ATP6V0D1: variants seen among roughly 807,000 people sequenced by gnomAD.
The protein encoded by ATP6V0D1 is ATPase H+ transporting V0 subunit d1.
ATP6V0D1 carries 13 observed loss-of-function variants against 39.0 expected under a neutral mutation model. The observed-to-expected ratio is 0.33, with a 90% CI of 0.22 to 0.53. The LOEUF (loss-of-function observed/expected upper bound fraction) is 0.53. ATP6V0D1 is among the 20% of genes least tolerant of loss of function. The pLI, the probability that ATP6V0D1 is intolerant of heterozygous loss-of-function variation, is 0.94. For missense variants in ATP6V0D1, 272 were observed against 470.9 expected, an observed-to-expected ratio of 0.58 and a Z score of 3.91; for synonymous variants, 191 against 191.2, an observed-to-expected ratio of 1.00 and a Z score of 0.01.
rs1187622298 is a variant in ATP6V0D1, at chr16:67,443,198, T to C, written c.482-20A>G. On this transcript the variant is annotated intron_variant, in intron 3 of 7. Coordinates refer to ENST00000290949, the MANE Select transcript of ATP6V0D1 (RefSeq NM_004691.5). ...AAGCCGCTGGGGAGGAAACATGGTT[T>C]GAGGGGTGGGCAGGTGGCCTAGGCC... 1 of 1,613,286 alleles carries C rather than the reference T, an allele frequency of 6.2e-7. No homozygotes were observed. The highest frequency in any genetic ancestry group is 1.1e-5 in the South Asian group (1 of 91,054).
intron 1 of ATP6V0D1, among the ~76,000 whole-genome samples, chr16:67,474,638 T>A (rs956990572): frequency 6.6e-6 from 1 of 152,250 alleles, no homozygotes; most frequent in African/African-American, 2.4e-5. Flanking sequence ...TGTGATCAAC[T>A]GAAGTGCTTC....
chr16:67,452,526 G>C lies in ATP6V0D1; in HGVS notation c.302+1018C>G. On this transcript the variant is annotated intron_variant, in intron 2 of 7. Transcript: ENST00000290949. The stretch of plus-strand genomic sequence containing the variant: ...CCAGGTCCCAAGGAAAAGAGTGGGG[G>C]CACCATAATCAAGGAATGGTAAAAG... The C allele has an allele frequency of 8.4e-6, 7 of 830,564 alleles. No homozygotes were observed. In the South Asian group the frequency reaches 1.0e-4, roughly 12 times the overall value. 51.4% of individuals were successfully genotyped at this position (830,564 alleles called of 1,614,324 possible).
chr16:67,455,449 G>T (rs567854508), intron 1 of ATP6V0D1: 8 of 152,280 alleles, frequency 5.3e-5, no homozygotes, highest in Admixed American at 5.2e-4. Flanking sequence ...TGCATCTCTG[G>T]GGGGCTGGTA....
intron 1 of ATP6V0D1, among the ~76,000 whole-genome samples, chr16:67,457,802 G>A (rs1225680377): frequency 1.3e-5 from 2 of 152,228 alleles, no homozygotes; most frequent in African/African-American, 2.4e-5. Flanking sequence ...CACTGCATCT[G>A]GGGAAGCCAC....
intron 2 of ATP6V0D1, chr16:67,452,273 G>C: frequency 6.5e-7 from 1 of 1,535,674 alleles, no homozygotes; most frequent in South Asian, 1.2e-5. Context: ...AGACTCTCAG[G>C]AAAGGAGGCC....
At chr16:67,454,375 G>A (rs1009084355) in intron 1 of ATP6V0D1, among the ~76,000 whole-genome samples, 6 of 152,184 alleles carry the variant, frequency 3.9e-5, no homozygotes, top group Admixed American at 2.0e-4. Flanking sequence ...TCCCTTCAGA[G>A]TGGCCGGAGA....
intron 2 of ATP6V0D1, among the ~76,000 whole-genome samples, chr16:67,448,639 G>A (rs1327402507): frequency 4.2e-5 from 6 of 141,494 alleles, no homozygotes; most frequent in Admixed American, 1.4e-4. Context: ...TGGCCTGTGC[G>A]ACAGAGTGAG....
Position 67,473,219 on chromosome 16 carries a change from C to CT in ATP6V0D1, c.130+7737dup, listed in dbSNP as rs535713907. ...ACCTCTTGGCCTGGCTAATTTGGGG[C>CT]TGGGGGGGGTGGCGCAGCAACAGCT... On this transcript the variant is annotated intron_variant, in intron 1 of 7. Coordinates refer to ENST00000290949, the MANE Select transcript of ATP6V0D1 (RefSeq NM_004691.5). Among the ~76,000 whole-genome samples, 26 of 152,238 alleles carry CT rather than the reference C, an allele frequency of 1.7e-4. 1 individual carries two copies. In the East Asian group the frequency reaches 4.6e-3, roughly 27 times the overall value.
Position 67,481,106 on chromosome 16 carries a change from G to C in ATP6V0D1, c.-20C>G, listed in dbSNP as rs756272594. On this transcript the variant is annotated 5_prime_UTR_variant, in exon 1 of 8. Coordinates refer to ENST00000290949, the MANE Select transcript of ATP6V0D1 (RefSeq NM_004691.5). ...CGACATGGCTGCTGCGGGAGCGGCG[G>C]GACCGGAGAACCAGGACCGGCCGGC... 3.7e-6 allele frequency: 6 copies of C among 1,613,542 alleles called. No individual in the cohort carries two copies. In the East Asian group the frequency reaches 1.1e-4, roughly 30 times the overall value.
At chr16:67,443,036 T>C in intron 4 of ATP6V0D1, 63 bp downstream of exon 4, 1 of 1,560,972 alleles carries the variant, frequency 6.4e-7, no homozygotes, top group Non-Finnish European at 8.8e-7. Context: ...ATCACCACCC[T>C]ACCACTTCCC....
In ATP6V0D1 at chr16:67,481,122, A is replaced by G; in HGVS notation, c.-36T>C. On this transcript the variant is annotated 5_prime_UTR_variant, in exon 1 of 8. Transcript: ENST00000290949. ...GGAGCGGCGGGACCGGAGAACCAGG[A>G]CCGGCCGGCACGAATCGCGACTCCC... is the stretch of plus-strand genomic sequence containing the variant. 1 of 1,611,694 alleles carries G rather than the reference A, an allele frequency of 6.2e-7. No individual in the cohort carries two copies. Among genetic ancestry groups the G allele is most frequent in the Non-Finnish European group, 8.5e-7 (1 of 1,178,398 alleles).
intron 1 of ATP6V0D1, among the ~76,000 whole-genome samples, chr16:67,460,792 C>A (rs2041283212): frequency 6.6e-6 from 1 of 152,210 alleles, no homozygotes; most frequent in East Asian, 1.9e-4. Flanking sequence ...ATCCATCCCA[C>A]AGCCCCAGCC....
At chr16:67,479,952 C>A (rs2041451919) in intron 1 of ATP6V0D1, among the ~76,000 whole-genome samples, 3 of 108,626 alleles carry the variant, frequency 2.8e-5, no homozygotes, top group African/African-American at 2.1e-4. Context: ...GTAATCCCAG[C>A]ACTTTGGGAG....
intron 1 of ATP6V0D1, among the ~76,000 whole-genome samples, chr16:67,454,410 T>C (rs1479627015): frequency 1.3e-5 from 2 of 152,094 alleles, no homozygotes; most frequent in Non-Finnish European, 2.9e-5. Flanking sequence ...CTGAGGGTTC[T>C]CTTGAGCATT....
At position 67,448,331 on chromosome 16, in the gene ATP6V0D1, C is replaced by A. The variant is rs148922338; in HGVS notation, c.303-3625G>T. 1.3e-3 allele frequency among the ~76,000 whole-genome samples: 195 copies of A among 151,658 alleles called. 1 individual carries two copies. Among genetic ancestry groups the A allele is most frequent in the African/African-American group, 4.7e-3 (192 of 41,250 alleles). On this transcript the variant is annotated intron_variant, in intron 2 of 7. Coordinates refer to ENST00000290949, the MANE Select transcript of ATP6V0D1 (RefSeq NM_004691.5). ...TCATGCCACTGCACTCCAGCCTGGGCAACAGAGCAAGATCCTATCTCAAAA... is the reference window on the plus strand; with the variant it reads ...TCATGCCACTGCACTCCAGCCTGGGAAACAGAGCAAGATCCTATCTCAAAA...
chr16:67,452,251 A>G, intron 2 of ATP6V0D1: 7 of 1,535,456 alleles, frequency 4.6e-6, no homozygotes, highest in Non-Finnish European at 6.1e-6. Context: ...GATGGAGGCC[A>G]GGGCAGCAAG....
chr16:67,456,905 C>T lies in ATP6V0D1; in HGVS notation c.131-3190G>A, dbSNP rs1346870682. The T allele has an allele frequency of 1.3e-5, 2 of 152,464 alleles. No homozygotes were observed. Among genetic ancestry groups the T allele is most frequent in the African/African-American group, 4.8e-5 (2 of 41,452 alleles). 9.4% of individuals were successfully genotyped at this position (152,464 alleles called of 1,614,324 possible). The stretch of plus-strand genomic sequence containing the variant: ...CTGCTCTTCCAGGCCCTGGCACAAG[C>T]TGCTGGGAGGCTTCCCCGAGTGAGC... On this transcript the variant is annotated intron_variant, in intron 1 of 7. Transcript: ENST00000290949. The surrounding 1 kb of genome is among the most constrained non-coding windows in gnomAD (Gnocchi z 4.1).
rs544212460 is a variant in ATP6V0D1, at chr16:67,477,678, T to A, written c.130+3279A>T. ...TTGACAGTATCCATAATAAACAGTT[T>A]TTTTTTTTTCTTTATACGGAGTCTT... On this transcript the variant is annotated intron_variant, in intron 1 of 7. Coordinates refer to ENST00000290949, the MANE Select transcript of ATP6V0D1 (RefSeq NM_004691.5). 3.9e-5 allele frequency among the ~76,000 whole-genome samples: 6 copies of A among 152,232 alleles called. No individual in the cohort carries two copies. The East Asian group carries it at 1.2e-3, about 29-fold the overall frequency.
intron 2 of ATP6V0D1, among the ~76,000 whole-genome samples, chr16:67,448,971 G>A (rs930040397): frequency 6.6e-6 from 1 of 152,232 alleles, no homozygotes; most frequent in South Asian, 2.1e-4. Flanking sequence ...ACAGGAACTG[G>A]CCAGGGGAGT....
Sources: gnomAD v4.1 joint callset for allele counts (sites outside exome capture counted in the v4.1 genomes callset) on GRCh38, gnomAD v4.1.1 for gene constraint, Gnocchi (gnomAD v3.1) non-coding constraint, MANE v1.5 for transcripts, NCBI Gene and HGNC (gene_info 2026-07-23, HGNC 2026-07-21) for gene names.